The following CD59 variants were observed in gnomAD, a reference collection of about 807,000 sequenced individuals.
The protein encoded by CD59 is CD59 glycoprotein.
Under a neutral mutation model 7.0 loss-of-function variants are expected in CD59, and 3 were observed. The ratio of observed to expected loss-of-function variants is 0.43; its 90% CI spans 0.19 to 1.10. The LOEUF (loss-of-function observed/expected upper bound fraction) is 1.10. CD59 is among the 50% of genes least tolerant of loss of function. The pLI is 0.29. For synonymous variants in CD59, 60 were observed against 62.0 expected, an observed-to-expected ratio of 0.97 and a Z score of 0.15; for missense variants, 143 against 151.0, an observed-to-expected ratio of 0.95 and a Z score of 0.28.
At position 33,717,465 on chromosome 11, in the gene CD59, C is replaced by G. The variant is rs547970318; in HGVS notation, c.74G>C (p.Ser25Thr). 3 of 1,602,370 alleles carry G rather than the reference C, an allele frequency of 1.9e-6. No individual in the cohort carries two copies. The highest frequency in any genetic ancestry group is 2.6e-6 in the Non-Finnish European group (3 of 1,169,382). The change falls in exon 3 of 4, where the codon AGC (serine) becomes ACC (threonine). Residue 25 changes from serine to threonine, a missense_variant. By Grantham distance (58) the Ser-to-Thr change is moderately conservative. Coordinates refer to ENST00000642928, the MANE Select transcript of CD59 (RefSeq NM_000611.6). ...VLAVFCHSGH[S>T]LQCYNCPNPT... ...GTTAGGACAGTTGTAGCACTGCAGG[C>G]TATGACCTAGAATCAGGAAGAAAGT...
At chr11:33,734,163 T>C (rs532536069) in intron 1 of CD59, among the ~76,000 whole-genome samples, 5 of 152,316 alleles carry the variant, frequency 3.3e-5, no homozygotes, top group African/African-American at 7.2e-5. Flanking sequence ...GCCATGCCTG[T>C]TGAAGCGCCC....
intron 1 of CD59, among the ~76,000 whole-genome samples, chr11:33,733,014 T>C (rs150421558): frequency 3.7e-4 from 56 of 152,252 alleles, no homozygotes; most frequent in African/African-American, 1.3e-3. Context: ...AAGAATGAGA[T>C]GAAGACACGA....
chr11:33,728,083 T>C (rs1854309580), intron 1 of CD59, among the ~76,000 whole-genome samples: 1 of 152,170 alleles, frequency 6.6e-6, no homozygotes, highest in East Asian at 1.9e-4. Flanking sequence ...ATCATGAAAA[T>C]GGCCACACTG....
At chr11:33,730,269 G>A (rs1854378242) in intron 1 of CD59, among the ~76,000 whole-genome samples, 1 of 151,636 alleles carries the variant, frequency 6.6e-6, no homozygotes, top group African/African-American at 2.4e-5. Context: ...AAAAAAAATA[G>A]CCAGGTGTGG....
rs562823807 is a variant in CD59, at chr11:33,733,274, T to C, written c.-19+3108A>G. Reference sequence around the variant, plus strand: ...TTACAGAATGGAAAGATTAATAAACTTGTGGCATTTGAAACAGCTAAATTT... The same window carrying C: ...TTACAGAATGGAAAGATTAATAAACCTGTGGCATTTGAAACAGCTAAATTT... On this transcript the variant is annotated intron_variant, in intron 1 of 3. Coordinates refer to ENST00000642928, the MANE Select transcript of CD59 (RefSeq NM_000611.6). Among the ~76,000 whole-genome samples, 13 of 152,040 alleles carry C rather than the reference T, an allele frequency of 8.6e-5. 1 individual carries two copies. The South Asian group carries it at 2.5e-3, about 29-fold the overall frequency.
intron 3 of CD59, among the ~76,000 whole-genome samples, chr11:33,712,004 C>T (rs2133529123): frequency 6.6e-6 from 1 of 152,344 alleles, no homozygotes. Flanking sequence ...ATTCCACTCA[C>T]AAGTGTATAT....
chr11:33,728,848 G>A (rs963288108), intron 1 of CD59, among the ~76,000 whole-genome samples: 7 of 152,202 alleles, frequency 4.6e-5, no homozygotes, highest in Admixed American at 1.3e-4. Context: ...ATCAAAAAGT[G>A]GGTGAAGGAT....
intron 1 of CD59, among the ~76,000 whole-genome samples, chr11:33,724,433 C>T (rs932621125): frequency 1.3e-5 from 2 of 152,232 alleles, no homozygotes; most frequent in Non-Finnish European, 2.9e-5. Flanking sequence ...ATAGTTCTGG[C>T]TCTGTCACCT....
Position 33,736,125 on chromosome 11 carries a change from G to A in CD59, c.-19+257C>T, listed in dbSNP as rs1167024018. ...CGAGGGAATGGGGGGCGCGACGGGG[G>A]TAACGGGGCTGCTTCTGGGAGAGGG... is the stretch of plus-strand genomic sequence containing the variant. On this transcript the variant is annotated intron_variant, in intron 1 of 3. Transcript: ENST00000642928. The surrounding 1 kb of genome is among the most constrained non-coding windows in gnomAD (Gnocchi z 4.4). 5.3e-5 allele frequency among the ~76,000 whole-genome samples: 8 copies of A among 152,112 alleles called. No homozygotes were observed. The highest frequency in any genetic ancestry group is 1.7e-4 in the African/African-American group (7 of 41,414).
rs147839995 is a variant in CD59, at chr11:33,730,244, C to T, written c.-19+6138G>A. Among the ~76,000 whole-genome samples the T allele has an allele frequency of 5.2e-3, 791 of 151,418 alleles. 9 individuals are homozygous for T. The highest frequency in any genetic ancestry group is 0.019 in the African/African-American group (765 of 41,266). On this transcript the variant is annotated intron_variant, in intron 1 of 3. Transcript: ENST00000642928. ...AGAGTTTGAGACGAGACTGGCAAAA[C>T]CCCATCTCTACAAAAAAAAAAATAG...
intron 1 of CD59, among the ~76,000 whole-genome samples, chr11:33,725,098 A>G (rs1854215761): frequency 6.6e-6 from 1 of 151,960 alleles, no homozygotes; most frequent in Non-Finnish European, 1.5e-5. Context: ...ATGGCTTTTT[A>G]TTTTTCTTCC....
chr11:33,720,753 A>C (rs191203326), intron 2 of CD59, among the ~76,000 whole-genome samples: 24 of 152,078 alleles, frequency 1.6e-4, no homozygotes, highest in Middle Eastern at 3.4e-3. Flanking sequence ...ACAAAAAAAA[A>C]CAAGCAATAG....
rs1451724391 is a variant in CD59 at position 33,706,215 on chromosome 11, T to A, written c.*3911A>T. 6.6e-6 allele frequency: 1 copy of A among 151,750 alleles called. No individual in the cohort carries two copies. Among genetic ancestry groups the A allele is most frequent in the Non-Finnish European group, 1.5e-5 (1 of 67,898 alleles). 9.4% of individuals were successfully genotyped at this position (151,750 alleles called of 1,614,324 possible). A position where few individuals can be genotyped will look rare whatever the true frequency, so the allele number is the denominator to read the frequency against. On this transcript the variant is annotated 3_prime_UTR_variant, in exon 4 of 4. Transcript: ENST00000642928. The stretch of plus-strand genomic sequence containing the variant: ...ACAGGCACCCACCTAGAAATTAAGG[T>A]ACTGTGGTCATTTATCTTATCCCAG...
chr11:33,710,002 A>C lies in CD59; in HGVS notation c.*124T>G. 1 of 829,446 alleles carries C rather than the reference A, an allele frequency of 1.2e-6. No homozygotes were observed. Among genetic ancestry groups the C allele is most frequent in the South Asian group, 1.4e-5 (1 of 69,198 alleles). 51.4% of individuals were successfully genotyped at this position (829,446 alleles called of 1,614,324 possible). A position where few individuals can be genotyped will look rare whatever the true frequency, so the allele number is the denominator to read the frequency against. ...CCCCTCTATCTTAGCCAGGTTGCTC[A>C]AGCTAATTTTATTCTTTCCCAACAG... On this transcript the variant is annotated 3_prime_UTR_variant, in exon 4 of 4. Transcript: ENST00000642928.
chr11:33,729,618 A>G (rs1854355993), intron 1 of CD59, among the ~76,000 whole-genome samples: 1 of 152,144 alleles, frequency 6.6e-6, no homozygotes, highest in African/African-American at 2.4e-5. Context: ...ATACCTATGT[A>G]ACAAACCTGC....
chr11:33,721,684 G>A (rs954614796), intron 2 of CD59, among the ~76,000 whole-genome samples: 1 of 152,218 alleles, frequency 6.6e-6, no homozygotes, highest in Non-Finnish European at 1.5e-5. Flanking sequence ...CTGAGGAGAG[G>A]GGGTGGCCCA....
At chr11:33,729,880 C>G (rs1410404736) in intron 1 of CD59, among the ~76,000 whole-genome samples, 1 of 152,152 alleles carries the variant, frequency 6.6e-6, no homozygotes, top group South Asian at 2.1e-4. Flanking sequence ...TATATATATA[C>G]ACCCACACAC....
chr11:33,720,849 A>G (rs924830510), intron 2 of CD59, among the ~76,000 whole-genome samples: 3 of 152,246 alleles, frequency 2.0e-5, no homozygotes, highest in Non-Finnish European at 4.4e-5. Flanking sequence ...AGCTCAGAGG[A>G]AAGTTCCCCT....
In CD59 at chr11:33,703,452, C is replaced by G. The variant is rs1170277930; in HGVS notation, c.*6674G>C. On this transcript the variant is annotated 3_prime_UTR_variant, in exon 4 of 4. Coordinates refer to ENST00000642928, the MANE Select transcript of CD59 (RefSeq NM_000611.6). Reference sequence around the variant, plus strand: ...CCTGGGCTCCAAAGCACTATGTCACCTACCTCTCCACTCAAATGCCCCATT... The same window carrying G: ...CCTGGGCTCCAAAGCACTATGTCACGTACCTCTCCACTCAAATGCCCCATT... 1 of 152,234 alleles carries G rather than the reference C, an allele frequency of 6.6e-6. No homozygotes were observed. Among genetic ancestry groups the G allele is most frequent in the Non-Finnish European group, 1.5e-5 (1 of 68,052 alleles). The allele number at this position is 152,234 out of a possible 1,614,324, so 9.4% of individuals were successfully genotyped here.
Sources: gnomAD v4.1 joint callset for allele counts (sites outside exome capture counted in the v4.1 genomes callset) on GRCh38, gnomAD v4.1.1 for gene constraint, Gnocchi (gnomAD v3.1) non-coding constraint, MANE v1.5 for transcripts, NCBI Gene and HGNC (gene_info 2026-07-23, HGNC 2026-07-21) for gene names.